SOX5: variants seen among roughly 807,000 people sequenced by gnomAD.
SOX5 encodes transcription factor SOX-5.
SOX5 carries 9 observed loss-of-function variants against 92.0 expected under a neutral mutation model. The observed-to-expected ratio is 0.10, with a 90% CI of 0.06 to 0.17. The LOEUF (loss-of-function observed/expected upper bound fraction) is 0.17, where lower values mean the gene tolerates loss of function less well. Among genes scored for constraint, SOX5 ranks in the 10% least tolerant of loss-of-function variants. The pLI is 1.00. For synonymous variants in SOX5, 344 were observed against 336.3 expected (o/e 1.02, Z -0.25); for missense variants, 642 against 944.5 (o/e 0.68, Z 4.20).
intron 6 of SOX5, among the ~76,000 whole-genome samples, chr12:23,682,866 A>G (rs554807722): frequency 6.6e-6 from 1 of 152,028 alleles, no homozygotes; most frequent in South Asian, 2.1e-4. Flanking sequence ...TAAAATAAAG[A>G]AAAAGCTACT....
chr12:23,885,028 G>A (rs536993559), intron 2 of SOX5, among the ~76,000 whole-genome samples: 1 of 152,224 alleles, frequency 6.6e-6, no homozygotes, highest in African/African-American at 2.4e-5. Flanking sequence ...GGGGAAATCA[G>A]AATCTCAGAT....
intron 11 of SOX5, among the ~76,000 whole-genome samples, chr12:23,559,278 A>T (rs1222763056): frequency 6.6e-6 from 1 of 152,182 alleles, no homozygotes; most frequent in Non-Finnish European, 1.5e-5. Context: ...CTGTTCCTTC[A>T]TACCTGAGAA....
chr12:23,540,078 T>C (rs1014390291), intron 13 of SOX5, among the ~76,000 whole-genome samples: 3 of 146,076 alleles, frequency 2.1e-5, no homozygotes, highest in African/African-American at 7.5e-5. Flanking sequence ...CAGGAAAATA[T>C]TTTGGATAAA....
At chr12:24,070,741 G>A (rs539051789) in intron 4 of SOX5, among the ~76,000 whole-genome samples, 1 of 152,222 alleles carries the variant, frequency 6.6e-6, no homozygotes, top group South Asian at 2.1e-4. Context: ...TTTGTATTCA[G>A]TAAAATAAAA....
intron 8 of SOX5, among the ~76,000 whole-genome samples, chr12:23,610,971 A>G (rs563250923): frequency 5.3e-5 from 8 of 152,344 alleles, no homozygotes; most frequent in African/African-American, 1.9e-4. Flanking sequence ...TCTTTTTGAT[A>G]AATAAATATA....
In SOX5 at chr12:24,027,751, G is replaced by A. The variant is rs530370139; in HGVS notation, c.-1-131727C>T. ...TGGGAAAGCAAAACTTGGACACTAC[G>A]GAGGAGGCCCTCATATGCAAAATCC... is the stretch of plus-strand genomic sequence containing the variant. On this transcript the variant is annotated intron_variant, in intron 4 of 4. Transcript: ENST00000446891. 1.3e-4 allele frequency among the ~76,000 whole-genome samples: 19 copies of A among 151,964 alleles called. No homozygotes were observed. In the East Asian group the frequency reaches 3.1e-3, roughly 25 times the overall value.
intron 2 of SOX5, among the ~76,000 whole-genome samples, chr12:24,363,462 A>T (rs1317343898): frequency 6.6e-6 from 1 of 152,196 alleles, no homozygotes; most frequent in Admixed American, 6.5e-5. Flanking sequence ...GAGTAGAAAG[A>T]GCAGGTTGAA....
At chr12:24,194,432 T>TAGGTAG (rs1565629364) in intron 4 of SOX5, among the ~76,000 whole-genome samples, 13 of 99,238 alleles carry the variant, frequency 1.3e-4, no homozygotes, top group African/African-American at 5.1e-4. Flanking sequence ...TAGGTAGGTA[T>TAGGTAG]GTAGGTAGGT....
At chr12:23,577,822 A>G (rs1441846676) in intron 9 of SOX5, among the ~76,000 whole-genome samples, 1 of 151,990 alleles carries the variant, frequency 6.6e-6, no homozygotes, top group African/African-American at 2.4e-5. Context: ...TTAGCATTTT[A>G]AAAACTATAG....
chr12:24,461,719 T>C (rs1348208832), intron 1 of SOX5, among the ~76,000 whole-genome samples: 2 of 152,226 alleles, frequency 1.3e-5, no homozygotes, highest in East Asian at 3.8e-4. Context: ...GAACACTTAC[T>C]CTGGCAGTTA....
At chr12:24,559,626 T>C (rs1954143959) in intron 1 of SOX5, among the ~76,000 whole-genome samples, 2 of 152,154 alleles carry the variant, frequency 1.3e-5, no homozygotes, top group Admixed American at 6.5e-5. Flanking sequence ...TTTAAATTCA[T>C]TCCTTTAACT....
intron 1 of SOX5, among the ~76,000 whole-genome samples, chr12:24,414,143 T>C (rs1010606521): frequency 6.6e-6 from 1 of 152,212 alleles, no homozygotes; most frequent in African/African-American, 2.4e-5. Flanking sequence ...TTACTTGGGC[T>C]CAAATCCATT....
intron 6 of SOX5, among the ~76,000 whole-genome samples, chr12:23,673,039 G>A (rs566801983): frequency 1.3e-5 from 2 of 152,016 alleles, no homozygotes; most frequent in East Asian, 3.9e-4. Context: ...GTTGACTTCA[G>A]GTATAATCTC....
At chr12:23,567,311 A>T (rs12230980) in intron 10 of SOX5, among the ~76,000 whole-genome samples, 19,921 of 152,004 alleles carry the variant, frequency 0.13, 1,711 homozygotes, top group Non-Finnish European at 0.18. Flanking sequence ...GGTTTGGTGA[A>T]CCTCAGTCTT....
At chr12:23,941,457 T>C (rs928370551) in intron 1 of SOX5, among the ~76,000 whole-genome samples, 6 of 151,550 alleles carry the variant, frequency 4.0e-5, no homozygotes, top group Admixed American at 4.0e-4. Context: ...TATAAATATT[T>C]ATATATCATA....
chr12:23,953,410 A>G (rs1306026214), upstream of SOX5, among the ~76,000 whole-genome samples: 1 of 152,112 alleles, frequency 6.6e-6, no homozygotes, highest in Non-Finnish European at 1.5e-5. Flanking sequence ...AAGATATTCA[A>G]TTGACTATAG....
At chr12:23,624,310 T>C (rs2077513018) in intron 8 of SOX5, among the ~76,000 whole-genome samples, 1 of 152,142 alleles carries the variant, frequency 6.6e-6, no homozygotes, top group Non-Finnish European at 1.5e-5. Flanking sequence ...CACTGAACTG[T>C]GTACATAAAA....
At chr12:23,676,148 T>C (rs1471962752) in intron 6 of SOX5, among the ~76,000 whole-genome samples, 2 of 152,098 alleles carry the variant, frequency 1.3e-5, no homozygotes, top group African/African-American at 4.8e-5. Flanking sequence ...AGAGATCTAA[T>C]GTACAGCATG....
intron 6 of SOX5, among the ~76,000 whole-genome samples, chr12:23,732,625 A>G (rs2093433218): frequency 6.6e-6 from 1 of 152,152 alleles, no homozygotes; most frequent in African/African-American, 2.4e-5. Context: ...GTTTCCCTCA[A>G]ATTACTTTCA....
Sources: allele counts gnomAD v4.1 joint callset (sites outside exome capture counted in the v4.1 genomes callset), GRCh38; gene constraint gnomAD v4.1.1; transcripts MANE v1.5; gene names NCBI Gene and HGNC (gene_info 2026-07-23, HGNC 2026-07-21).